PHLDB1: variants seen among roughly 807,000 people sequenced by gnomAD.
PHLDB1 encodes pleckstrin homology-like domain family B member 1.
In PHLDB1, 65 loss-of-function variants were observed where a neutral mutation model predicts 139.3. The observed-to-expected ratio is 0.47, with a 90% CI of 0.38 to 0.57. The LOEUF is 0.57. PHLDB1 is among the 20% of genes least tolerant of loss of function. PHLDB1 has a pLI of 0.00. For missense variants in PHLDB1, 1,624 were observed against 1,839.7 expected (o/e 0.88, Z 2.14); for synonymous variants, 679 against 734.5 (o/e 0.92, Z 1.22).
intron 4 of PHLDB1, among the ~76,000 whole-genome samples, chr11:118,619,904 A>G (rs1292645768): frequency 6.6e-6 from 1 of 152,194 alleles, no homozygotes; most frequent in African/African-American, 2.4e-5. Context: ...AAGGAAAGCT[A>G]TGCCTGGGTG....
chr11:118,639,080 G>A, intron 11 of PHLDB1, 79 bp downstream of exon 11: 7 of 1,553,708 alleles, frequency 4.5e-6, no homozygotes, highest in South Asian at 2.2e-5. Context: ...GGGTGTAAAT[G>A]TGCTGGGGTG....
At chr11:118,634,607 C>G in intron 9 of PHLDB1, 1 of 180,200 alleles carries the variant, frequency 5.5e-6, no homozygotes, top group Non-Finnish European at 1.2e-5. Flanking sequence ...CCCCACACCT[C>G]TGCCTGTGTT....
At position 118,611,818 on chromosome 11, in the gene PHLDB1, C is replaced by CAAA. The variant is rs782515711; in HGVS notation, c.-21-1984_-21-1982dup. Among the ~76,000 whole-genome samples, 7 of 109,042 alleles carry CAAA rather than the reference C, an allele frequency of 6.4e-5. No homozygotes were observed. The highest frequency in any genetic ancestry group is 1.7e-4 in the African/African-American group (6 of 36,104). The allele number at this position is 109,042 out of a possible 152,430, so 71.5% of individuals were successfully genotyped here. A position where few individuals can be genotyped will look rare whatever the true frequency, so the allele number is the denominator to read the frequency against. On this transcript the variant is annotated intron_variant, in intron 1 of 22. Coordinates refer to ENST00000600882, the MANE Select transcript of PHLDB1 (RefSeq NM_001144758.3). This position sits in a 1 kb window ranked among gnomAD's most constrained non-coding sequence, Gnocchi z 4.7. ...GGGCAACAAGAGTGAAACTCCGTCTCAAAAAAAAAAAAAAAATAATAATAA... is the reference window on the plus strand; with the variant it reads ...GGGCAACAAGAGTGAAACTCCGTCTCAAAAAAAAAAAAAAAAAAATAATAATAA...
At chr11:118,648,309 GTGTGTGTGTGTGTGTT>G (rs1306947656) in intron 18 of PHLDB1, among the ~76,000 whole-genome samples, 6 of 130,670 alleles carry the variant, frequency 4.6e-5, no homozygotes, top group Non-Finnish European at 8.8e-5. Context: ...GTGTGTGTGT[GTGTGTGTGTGTGTGTT>G]TGTGTGCTGG....
chr11:118,629,592 T>C (rs1944439361), intron 6 of PHLDB1, among the ~76,000 whole-genome samples: 1 of 152,184 alleles, frequency 6.6e-6, no homozygotes, highest in South Asian at 2.1e-4. Context: ...AACTGAAGCA[T>C]CTGGAGATGC....
At chr11:118,630,995 C>T (rs1944709550) in intron 6 of PHLDB1, among the ~76,000 whole-genome samples, 1 of 146,192 alleles carries the variant, frequency 6.8e-6, no homozygotes, top group South Asian at 2.4e-4. Context: ...GGGCATGTGG[C>T]ACAACAGCCT....
At position 118,650,684 on chromosome 11, in the gene PHLDB1, C is replaced by A; in HGVS notation, c.3874+137C>A. The A allele has an allele frequency of 1.6e-6, 1 of 636,726 alleles. No individual in the cohort carries two copies. Among genetic ancestry groups the A allele is most frequent in the South Asian group, 1.8e-5 (1 of 54,388 alleles). The allele number at this position is 636,726 out of a possible 1,614,324, so 39.4% of individuals were successfully genotyped here. On this transcript the variant is annotated intron_variant, in intron 20 of 22. Transcript: ENST00000600882. This position sits in a 1 kb window ranked among gnomAD's most constrained non-coding sequence, Gnocchi z 4.7. Reference sequence around the variant, plus strand: ...TTGGGCTAGGCTTTGCCCTCCTTCCCTGAAAATGTACACAATGTACCTGGT... The same window carrying A: ...TTGGGCTAGGCTTTGCCCTCCTTCCATGAAAATGTACACAATGTACCTGGT...
Position 118,631,484 on chromosome 11 carries a change from G to A in PHLDB1, c.2100+5G>A. The A allele has an allele frequency of 7.0e-7, 1 of 1,424,278 alleles. No homozygotes were observed. The allele number at this position is 1,424,278 out of a possible 1,614,324, so 88.2% of individuals were successfully genotyped here. On this transcript the variant is annotated splice_donor_5th_base_variant and intron_variant, in intron 7 of 22. Transcript: ENST00000600882. ...ACTGAGAGCACCCAGCAGGAGGTGA[G>A]ATGGAGGGGTAGGCAAGACAAAGAG...
At chr11:118,635,294 G>A in intron 9 of PHLDB1, 99 bp from the exon 10 acceptor site, 1 of 1,373,108 alleles carries the variant, frequency 7.3e-7, no homozygotes. Context: ...AATTTCCCCG[G>A]GTCCAGCCCC....
intron 20 of PHLDB1, chr11:118,654,151 T>G (rs1261946132): frequency 6.6e-6 from 1 of 152,252 alleles, no homozygotes; most frequent in Non-Finnish European, 1.5e-5. Flanking sequence ...TCGCGTGACC[T>G]CTCCTGTAGG....
intron 4 of PHLDB1, 180 bp from the exon 5 acceptor site, chr11:118,624,754 C>T (rs1330088618): frequency 8.6e-6 from 5 of 580,652 alleles, no homozygotes; most frequent in Admixed American, 2.9e-5. Flanking sequence ...GGATTACAGG[C>T]GTCCACCACC....
chr11:118,631,457 G>A lies in PHLDB1; in HGVS notation c.2078G>A (p.Ser693Asn). Residue 693 changes from serine (S) to asparagine (N), a missense_variant, in exon 7 of 23, where the codon AGC becomes AAC. Transcript: ENST00000600882. ...DEENLKEECSSTESTQQEHED... is the reference protein window; with the variant it reads ...DEENLKEECSNTESTQQEHED... ...GAAAATCTCAAGGAGGAGTGCAGCA[G>A]CACTGAGAGCACCCAGCAGGAGGTG... is the stretch of plus-strand genomic sequence containing the variant. The A allele has an allele frequency of 7.0e-7, 1 of 1,432,738 alleles. No homozygotes were observed. The highest frequency in any genetic ancestry group is 9.1e-7 in the Non-Finnish European group (1 of 1,095,966). 88.8% of individuals were successfully genotyped at this position (1,432,738 alleles called of 1,614,324 possible).
Position 118,632,010 on chromosome 11 carries a change from G to A in PHLDB1, c.2198G>A (p.Arg733His), listed in dbSNP as rs782138733. The A allele has an allele frequency of 5.0e-6, 8 of 1,613,984 alleles. No individual in the cohort carries two copies. In the Admixed American group the frequency reaches 5.0e-5, roughly 10 times the overall value. ...GGGCACGTGGAGCAGCTCAAGGTCC[G>A]TGTGAAGGAGCTAGAGCAGCAGCTG... ...VLGHVEQLKV[R>H]VKELEQQLQE... The change falls in exon 8 of 23, where the codon CGT (arginine) becomes CAT (histidine). Residue 733 changes from arginine to histidine, a missense_variant. Physicochemically the swap from Arg to His is conservative, Grantham distance 29. Transcript: ENST00000600882. This position sits in a 1 kb window ranked among gnomAD's most constrained non-coding sequence, Gnocchi z 5.9.
At chr11:118,623,966 C>G (rs1197266776) in intron 4 of PHLDB1, 2 of 151,176 alleles carry the variant, frequency 1.3e-5, no homozygotes, top group Non-Finnish European at 2.9e-5. Flanking sequence ...GTGGTGTGAT[C>G]TCGGCTCACT....
chr11:118,616,369 T>C (rs999489688), intron 4 of PHLDB1, among the ~76,000 whole-genome samples, 158 bp downstream of exon 4: 1 of 152,252 alleles, frequency 6.6e-6, no homozygotes, highest in South Asian at 2.1e-4. Context: ...CTAAACAACA[T>C]CCCAAACCCT....
At chr11:118,649,701 C>T (rs1555134011) in intron 18 of PHLDB1, among the ~76,000 whole-genome samples, 5 of 152,104 alleles carry the variant, frequency 3.3e-5, no homozygotes. Context: ...CAAACAAGGT[C>T]CCATGCGAAG....
At chr11:118,616,236 A>AG (rs782037697) in intron 4 of PHLDB1, 25 bp downstream of exon 4, 17 of 1,607,618 alleles carry the variant, frequency 1.1e-5, no homozygotes, top group Non-Finnish European at 1.4e-5. Context: ...CTCCAGATGG[A>AG]GGGGGCCTCT....
intron 5 of PHLDB1, chr11:118,626,950 T>TGGCCTACGTGCCC: frequency 3.7e-6 from 1 of 268,262 alleles, no homozygotes; most frequent in South Asian, 4.6e-5. Flanking sequence ...CCACCGTGCC[T>TGGCCTACGTGCCC]GGCCTACGTG....
At chr11:118,624,554 C>A in intron 4 of PHLDB1, 1 of 246,834 alleles carries the variant, frequency 4.1e-6, no homozygotes, top group Non-Finnish European at 7.8e-6. Context: ...TTCAGTCCTG[C>A]CTGCCCTTCC....
Sources: allele counts gnomAD v4.1 joint callset (sites outside exome capture counted in the v4.1 genomes callset), GRCh38; gene constraint gnomAD v4.1.1; non-coding constraint Gnocchi (gnomAD v3.1); transcripts MANE v1.5; gene names NCBI Gene and HGNC (gene_info 2026-07-23, HGNC 2026-07-21).